Variants in LAPTM4B observed in about 807,000 individuals in gnomAD.
LAPTM4B encodes the protein lysosomal protein transmembrane 4 beta.
A neutral mutation model predicts 28.5 loss-of-function variants in LAPTM4B; 26 were observed. That is an observed-to-expected ratio of 0.91 (90% CI 0.67 to 1.27). The LOEUF (loss-of-function observed/expected upper bound fraction) is 1.27. Ranked by LOEUF, LAPTM4B falls within the 50% of genes most tolerant of loss-of-function variation. LAPTM4B has a pLI of 0.00. For missense variants in LAPTM4B, 288 were observed against 285.8 expected (o/e 1.01, Z -0.06); for synonymous variants, 109 against 106.4 (o/e 1.02, Z -0.15).
At chr8:97,802,872 C>G (rs745629917) in intron 1 of LAPTM4B, among the ~76,000 whole-genome samples, 4 of 152,028 alleles carry the variant, frequency 2.6e-5, no homozygotes, top group Non-Finnish European at 4.4e-5. Context: ...AAGCAATCAG[C>G]TTTTATTTGA....
At chr8:97,779,966 C>T (rs951683725) in intron 1 of LAPTM4B, among the ~76,000 whole-genome samples, 5 of 150,672 alleles carry the variant, frequency 3.3e-5, no homozygotes, top group African/African-American at 1.2e-4. Context: ...CAGGAGAATC[C>T]CTTGAACCCA....
chr8:97,795,684 C>G (rs1425413798), intron 1 of LAPTM4B, among the ~76,000 whole-genome samples: 1 of 151,854 alleles, frequency 6.6e-6, no homozygotes, highest in African/African-American at 2.4e-5. Context: ...GAAACCCTGT[C>G]TCTACTAAAA....
chr8:97,829,534 G>GA (rs1817146793), intron 6 of LAPTM4B, among the ~76,000 whole-genome samples: 2 of 152,078 alleles, frequency 1.3e-5, no homozygotes, highest in Admixed American at 6.6e-5. Context: ...ATGCATAAGG[G>GA]AGCAGCAATG....
At chr8:97,849,612 C>T (rs997986189) in intron 6 of LAPTM4B, among the ~76,000 whole-genome samples, 17 of 152,222 alleles carry the variant, frequency 1.1e-4, no homozygotes, top group African/African-American at 3.6e-4. Context: ...GGCCGGCTGG[C>T]GGGTGCGACT....
At chr8:97,849,850 C>T (rs1392549698) in intron 6 of LAPTM4B, among the ~76,000 whole-genome samples, 1 of 144,178 alleles carries the variant, frequency 6.9e-6, no homozygotes, top group Non-Finnish European at 1.5e-5. Context: ...TGTGTTTCTG[C>T]AGTGTTCAGA....
At chr8:97,779,417 A>G (rs551887574) in intron 1 of LAPTM4B, among the ~76,000 whole-genome samples, 3 of 152,120 alleles carry the variant, frequency 2.0e-5, no homozygotes, top group South Asian at 4.2e-4. Context: ...CCTGGGAGGC[A>G]TAGGTTGCAG....
intron 1 of LAPTM4B, among the ~76,000 whole-genome samples, chr8:97,784,113 G>A (rs934851168): frequency 5.9e-5 from 9 of 152,066 alleles, no homozygotes; most frequent in Admixed American, 2.6e-4. Flanking sequence ...GATAGCTTTC[G>A]GTGGGCATTC....
intron 2 of LAPTM4B, among the ~76,000 whole-genome samples, chr8:97,811,296 A>G (rs1164437670): frequency 6.6e-6 from 1 of 152,216 alleles, no homozygotes; most frequent in Middle Eastern, 3.2e-3. Context: ...TATATACCCT[A>G]GGGAAACAGG....
At chr8:97,824,323 T>G (rs1158185050) in intron 5 of LAPTM4B, among the ~76,000 whole-genome samples, 1 of 152,194 alleles carries the variant, frequency 6.6e-6, no homozygotes, top group Admixed American at 6.5e-5. Context: ...TCCTGGATTT[T>G]AGCAATCTAG....
chr8:97,819,123 GC>G lies in LAPTM4B; in HGVS notation c.409-14del. The G allele has an allele frequency of 1.4e-6, 2 of 1,454,166 alleles. No homozygotes were observed. The highest frequency in any genetic ancestry group is 1.9e-6 in the Non-Finnish European group (2 of 1,042,890). 90.1% of individuals were successfully genotyped at this position (1,454,166 alleles called of 1,614,324 possible). On this transcript the variant is annotated splice_polypyrimidine_tract_variant and intron_variant, in intron 4 of 6. Transcript: ENST00000521545. ...ATGATTAATGAGATTTGCTAATGAGGCCCTTTTCTTTTGCAGCCTCCTAATT... is the reference window on the plus strand; with the variant it reads ...ATGATTAATGAGATTTGCTAATGAGGCCTTTTCTTTTGCAGCCTCCTAATT...
chr8:97,800,566 G>A lies in LAPTM4B; in HGVS notation c.100-4787G>A, dbSNP rs533121080. ...GGCTAGAGTGCAACGATGCAATCTC[G>A]GCTCACGGTAACCTCCGCCTCCCGG... On this transcript the variant is annotated intron_variant, in intron 1 of 6. Coordinates refer to ENST00000521545, the MANE Select transcript of LAPTM4B (RefSeq NM_018407.6). Among the ~76,000 whole-genome samples the A allele has an allele frequency of 7.3e-5, 10 of 136,504 alleles. No homozygotes were observed. In the South Asian group the frequency reaches 1.8e-3, roughly 25 times the overall value. 89.6% of individuals were successfully genotyped at this position (136,504 alleles called of 152,430 possible).
chr8:97,802,280 A>T (rs1260807039), intron 1 of LAPTM4B, among the ~76,000 whole-genome samples: 1 of 152,198 alleles, frequency 6.6e-6, no homozygotes, highest in African/African-American at 2.4e-5. Flanking sequence ...TTTATTCATT[A>T]TATGCTAAAC....
chr8:97,824,603 T>TA (rs1317006865), intron 5 of LAPTM4B, among the ~76,000 whole-genome samples: 3 of 152,178 alleles, frequency 2.0e-5, no homozygotes, highest in Non-Finnish European at 2.9e-5. Context: ...ATGAAATTTT[T>TA]AAAAAAATCG....
intron 1 of LAPTM4B, among the ~76,000 whole-genome samples, chr8:97,795,433 G>A (rs1816566317): frequency 6.6e-6 from 1 of 152,234 alleles, no homozygotes; most frequent in East Asian, 1.9e-4. Flanking sequence ...ATTATTGTAC[G>A]TTTACATAAA....
At chr8:97,823,802 A>G (rs540464743) in intron 5 of LAPTM4B, among the ~76,000 whole-genome samples, 8 of 151,186 alleles carry the variant, frequency 5.3e-5, no homozygotes, top group East Asian at 3.9e-4. Flanking sequence ...GGTTCAAGCA[A>G]TTCTCCCGCC....
chr8:97,808,946 G>A (rs937955549), intron 2 of LAPTM4B, among the ~76,000 whole-genome samples: 1 of 151,478 alleles, frequency 6.6e-6, no homozygotes, highest in Non-Finnish European at 1.5e-5. Context: ...GGGCGACAGA[G>A]CAAGACTGCA....
At chr8:97,845,868 ACTCCCCTCCCCTCCCCTCCC>A (rs1214536719) in intron 6 of LAPTM4B, among the ~76,000 whole-genome samples, 6 of 4,362 alleles carry the variant, frequency 1.4e-3, no homozygotes, top group East Asian at 6.7e-3. Context: ...CCCCCCTTCC[ACTCCCCTCCCCTCCCCTCCC>A]CTCCCCTCCC....
chr8:97,845,428 A>G (rs1817413166), intron 6 of LAPTM4B, among the ~76,000 whole-genome samples: 1 of 152,014 alleles, frequency 6.6e-6, no homozygotes, highest in Non-Finnish European at 1.5e-5. Flanking sequence ...TTAACTATTA[A>G]TAATGCTATT....
intron 1 of LAPTM4B, among the ~76,000 whole-genome samples, chr8:97,794,223 G>A (rs541915431): frequency 7.2e-5 from 11 of 152,180 alleles, no homozygotes; most frequent in Non-Finnish European, 1.5e-4. Context: ...CAGGTGAACC[G>A]CCCGCCTTGG....
Sources: allele counts gnomAD v4.1 joint callset (sites outside exome capture counted in the v4.1 genomes callset), GRCh38; gene constraint gnomAD v4.1.1; transcripts MANE v1.5; gene names NCBI Gene and HGNC (gene_info 2026-07-23, HGNC 2026-07-21).